The following PPP1R1C variants were observed in gnomAD, a reference collection of about 807,000 sequenced individuals.
PPP1R1C encodes the protein protein phosphatase 1 regulatory inhibitor subunit 1C.
A neutral mutation model predicts 17.4 loss-of-function variants in PPP1R1C; 15 were observed. The observed-to-expected ratio is 0.86, with a 90% CI of 0.58 to 1.33. PPP1R1C has a LOEUF of 1.33. Among genes scored for constraint, PPP1R1C ranks in the 40% most tolerant of loss-of-function variants. The pLI is 0.00. For missense variants in PPP1R1C, 143 were observed against 130.0 expected, an observed-to-expected ratio of 1.10 and a Z score of -0.48; for synonymous variants, 35 against 43.1, an observed-to-expected ratio of 0.81 and a Z score of 0.73.
chr2:182,085,957 AATG>A (rs1449962017), intron 4 of PPP1R1C, among the ~76,000 whole-genome samples: 2 of 152,196 alleles, frequency 1.3e-5, no homozygotes, highest in African/African-American at 2.4e-5. Flanking sequence ...AAAAATTTTA[AATG>A]ATATCACAAA....
At chr2:182,130,600 T>C (rs2125245067), downstream of PPP1R1C, 1 of 152,340 alleles carries the variant, frequency 6.6e-6, no homozygotes, top group South Asian at 2.1e-4. Flanking sequence ...TCTTTCTTTA[T>C]TGTTTACAGA....
chr2:182,128,423 C>T (rs1689928626), intron 5 of PPP1R1C, among the ~76,000 whole-genome samples: 1 of 151,964 alleles, frequency 6.6e-6, no homozygotes, highest in Non-Finnish European at 1.5e-5. Flanking sequence ...CTTGTCAGGG[C>T]CCCTCTGACT....
intron 5 of PPP1R1C, among the ~76,000 whole-genome samples, chr2:182,125,888 G>A (rs541003561): frequency 2.0e-5 from 3 of 152,016 alleles, no homozygotes; most frequent in Non-Finnish European, 4.4e-5. Context: ...ATTTTTTGAA[G>A]GGATTTTTGT....
intron 2 of PPP1R1C, among the ~76,000 whole-genome samples, chr2:182,028,235 AT>A (rs1686689008): frequency 8.3e-6 from 1 of 121,100 alleles, no homozygotes; most frequent in African/African-American, 3.2e-5. Flanking sequence ...GATTTTAGTT[AT>A]TTCTTGCCTT....
chr2:181,986,003 G>A lies in PPP1R1C; in HGVS notation c.-108G>A. ...TGGAATTACAGCTATTTATTACGAA[G>A]CACTCTGTGTGGCTTAGTGGAGTGT... On this transcript the variant is annotated 5_prime_UTR_variant, in exon 1 of 5. Transcript: ENST00000682840. 2.4e-6 allele frequency: 2 copies of A among 831,158 alleles called. No homozygotes were observed. The highest frequency in any genetic ancestry group is 2.4e-5 in the East Asian group (1 of 41,250). 51.5% of individuals were successfully genotyped at this position (831,158 alleles called of 1,614,324 possible).
intron 1 of PPP1R1C, among the ~76,000 whole-genome samples, chr2:181,955,020 T>TC (rs1684647860): frequency 6.6e-6 from 1 of 152,244 alleles, no homozygotes; most frequent in Non-Finnish European, 1.5e-5. Context: ...AGGTGACCTC[T>TC]GTCAGCTTTA....
At chr2:182,000,772 T>G (rs1685738510) in intron 2 of PPP1R1C, among the ~76,000 whole-genome samples, 1 of 152,216 alleles carries the variant, frequency 6.6e-6, no homozygotes. Context: ...TTTCAGTGAT[T>G]GGATCTATTA....
intron 2 of PPP1R1C, among the ~76,000 whole-genome samples, chr2:181,988,159 A>T (rs955568042): frequency 4.6e-5 from 7 of 152,236 alleles, no homozygotes; most frequent in African/African-American, 1.4e-4. Flanking sequence ...TGGCTGTCAT[A>T]TGTTCAGGTG....
chr2:182,109,272 C>T (rs527911686), intron 4 of PPP1R1C, among the ~76,000 whole-genome samples: 2 of 152,216 alleles, frequency 1.3e-5, no homozygotes, highest in Non-Finnish European at 2.9e-5. Context: ...CTTTTGCAAA[C>T]ATTTTCTCTC....
At chr2:182,016,559 C>T (rs1238751294) in intron 2 of PPP1R1C, among the ~76,000 whole-genome samples, 1 of 152,118 alleles carries the variant, frequency 6.6e-6, no homozygotes, top group Non-Finnish European at 1.5e-5. Flanking sequence ...TGAAATAATA[C>T]AGTTATTGGT....
At chr2:182,102,613 C>A (rs944775931) in intron 4 of PPP1R1C, among the ~76,000 whole-genome samples, 44 of 152,082 alleles carry the variant, frequency 2.9e-4, no homozygotes, top group African/African-American at 1.1e-3. Context: ...GACACAAGTT[C>A]AGGATACTTA....
intron 1 of PPP1R1C, among the ~76,000 whole-genome samples, chr2:181,972,860 A>C (rs920128979): frequency 6.6e-6 from 1 of 152,178 alleles, no homozygotes; most frequent in Non-Finnish European, 1.5e-5. Context: ...TCCATGACTC[A>C]TTATTTGTAC....
At chr2:181,979,231 A>G (rs1685150481) in intron 2 of PPP1R1C, among the ~76,000 whole-genome samples, 1 of 152,214 alleles carries the variant, frequency 6.6e-6, no homozygotes, top group African/African-American at 2.4e-5. Flanking sequence ...TTTACCATTT[A>G]GTGAGTGATA....
chr2:181,966,293 T>A (rs1684902287), intron 1 of PPP1R1C, among the ~76,000 whole-genome samples: 1 of 152,140 alleles, frequency 6.6e-6, no homozygotes, highest in South Asian at 2.1e-4. Context: ...TGGAGGCACT[T>A]TATTTCTTTT....
At chr2:181,963,099 A>T (rs1684837971) in intron 1 of PPP1R1C, among the ~76,000 whole-genome samples, 1 of 152,224 alleles carries the variant, frequency 6.6e-6, no homozygotes, top group Non-Finnish European at 1.5e-5. Flanking sequence ...ATTCAGTGAC[A>T]ATAAAAGAGG....
chr2:181,980,191 G>A (rs1177934290), intron 2 of PPP1R1C, among the ~76,000 whole-genome samples: 1 of 152,116 alleles, frequency 6.6e-6, no homozygotes, highest in Non-Finnish European at 1.5e-5. Context: ...ATTTATGAAA[G>A]CATTTTGGAA....
At chr2:182,004,254 A>G (rs1011105342) in intron 2 of PPP1R1C, among the ~76,000 whole-genome samples, 1 of 152,192 alleles carries the variant, frequency 6.6e-6, no homozygotes, top group Non-Finnish European at 1.5e-5. Context: ...ACAATTATGA[A>G]ATATTTTTAG....
chr2:182,123,437 C>T (rs1689787488), intron 5 of PPP1R1C, among the ~76,000 whole-genome samples: 1 of 152,148 alleles, frequency 6.6e-6, no homozygotes, highest in South Asian at 2.1e-4. Flanking sequence ...CACTGTCTTC[C>T]ACAATGGTTG....
intron 4 of PPP1R1C, among the ~76,000 whole-genome samples, chr2:182,110,131 A>G (rs1689373068): frequency 6.6e-6 from 1 of 152,144 alleles, no homozygotes. Context: ...TGTTTTTACC[A>G]CAAATAAATT....
Sources: gnomAD v4.1 joint callset for allele counts (sites outside exome capture counted in the v4.1 genomes callset) on GRCh38, gnomAD v4.1.1 for gene constraint, MANE v1.5 for transcripts, NCBI Gene and HGNC (gene_info 2026-07-23, HGNC 2026-07-21) for gene names.